Variants in TSPAN5 observed in about 807,000 individuals in gnomAD.
TSPAN5 encodes the protein tetraspanin-5.
TSPAN5 carries 10 observed loss-of-function variants against 37.1 expected under a neutral mutation model. The ratio of observed to expected loss-of-function variants is 0.27; its 90% CI spans 0.17 to 0.46. The LOEUF (loss-of-function observed/expected upper bound fraction) is 0.46, where lower values mean the gene tolerates loss of function less well. Among genes scored for constraint, TSPAN5 ranks in the 20% least tolerant of loss-of-function variants. TSPAN5 has a pLI of 1.00. For missense variants in TSPAN5, 195 were observed against 326.6 expected (o/e 0.60, Z 3.11); for synonymous variants, 110 against 118.9 (o/e 0.93, Z 0.48).
intron 1 of TSPAN5, among the ~76,000 whole-genome samples, chr4:98,651,163 C>A (rs1360829670): frequency 6.6e-6 from 1 of 152,178 alleles, no homozygotes; most frequent in African/African-American, 2.4e-5. Flanking sequence ...CAATGCCACC[C>A]TGATAGGGTA....
At chr4:98,479,945 A>G (rs938027200) in intron 4 of TSPAN5, among the ~76,000 whole-genome samples, 1 of 152,160 alleles carries the variant, frequency 6.6e-6, no homozygotes, top group Non-Finnish European at 1.5e-5. Context: ...CTCATAATCA[A>G]ATGACCTAAA....
intron 2 of TSPAN5, among the ~76,000 whole-genome samples, chr4:98,487,178 G>T (rs1445614725): frequency 6.7e-6 from 1 of 148,288 alleles, no homozygotes; most frequent in Non-Finnish European, 1.5e-5. Flanking sequence ...AGGAGGGAGG[G>T]AAACTGCTTT....
At position 98,658,339 on chromosome 4, in the gene TSPAN5, G is replaced by A; in HGVS notation, c.-113C>T. 2 of 842,940 alleles carry A rather than the reference G, an allele frequency of 2.4e-6. No homozygotes were observed. The highest frequency in any genetic ancestry group is 1.9e-6 in the Non-Finnish European group (1 of 513,518). 52.2% of individuals were successfully genotyped at this position (842,940 alleles called of 1,614,324 possible). A position where few individuals can be genotyped will look rare whatever the true frequency, so the allele number is the denominator to read the frequency against. On this transcript the variant is annotated 5_prime_UTR_variant, in exon 1 of 8. Transcript: ENST00000305798. ...GAGCTCAGGGACACCGCACGGGGCCGCGGCGCTGGCGGCCTGGGCTCAGCC... is the reference window on the plus strand; with the variant it reads ...GAGCTCAGGGACACCGCACGGGGCCACGGCGCTGGCGGCCTGGGCTCAGCC...
At chr4:98,505,768 G>C (rs953769392) in intron 2 of TSPAN5, among the ~76,000 whole-genome samples, 4 of 152,164 alleles carry the variant, frequency 2.6e-5, no homozygotes, top group African/African-American at 9.7e-5. Context: ...ACCAAACTGG[G>C]CTGGTGCACG....
chr4:98,525,042 A>G (rs757876891), intron 1 of TSPAN5, among the ~76,000 whole-genome samples: 7 of 152,194 alleles, frequency 4.6e-5, no homozygotes, highest in South Asian at 2.1e-4. Flanking sequence ...ATCTATTACT[A>G]TTTCAGTCAA....
chr4:98,652,526 AT>A (rs1560574772), intron 1 of TSPAN5, among the ~76,000 whole-genome samples: 1 of 152,170 alleles, frequency 6.6e-6, no homozygotes, highest in Non-Finnish European at 1.5e-5. Flanking sequence ...TTGATGTTTT[AT>A]TTTAGAATAA....
chr4:98,629,395 C>A (rs1252623244), intron 1 of TSPAN5, among the ~76,000 whole-genome samples: 1 of 152,220 alleles, frequency 6.6e-6, no homozygotes, highest in Non-Finnish European at 1.5e-5. Context: ...TGAGCTGATA[C>A]ATACAAACAG....
intron 1 of TSPAN5, among the ~76,000 whole-genome samples, chr4:98,605,663 A>G (rs1039533301): frequency 6.6e-6 from 1 of 152,214 alleles, no homozygotes; most frequent in African/African-American, 2.4e-5. Flanking sequence ...CAAACTGTCA[A>G]TCCCTCGGAA....
intron 1 of TSPAN5, among the ~76,000 whole-genome samples, chr4:98,648,759 C>A (rs534687784): frequency 2.0e-5 from 3 of 152,358 alleles, no homozygotes; most frequent in African/African-American, 7.2e-5. Flanking sequence ...CACATCCCCT[C>A]CAGGGAGCAA....
intron 1 of TSPAN5, among the ~76,000 whole-genome samples, chr4:98,595,559 T>C (rs1248520081): frequency 1.5e-5 from 2 of 131,080 alleles, no homozygotes; most frequent in Admixed American, 7.6e-5. Flanking sequence ...TCCTGCTTTC[T>C]CTTGTAGGCA....
intron 2 of TSPAN5, among the ~76,000 whole-genome samples, chr4:98,491,912 G>GA (rs1283063959): frequency 6.6e-6 from 1 of 151,270 alleles, no homozygotes; most frequent in East Asian, 1.9e-4. Flanking sequence ...GAAGCTGTAA[G>GA]AAAAAAAATC....
intron 1 of TSPAN5, among the ~76,000 whole-genome samples, chr4:98,510,712 G>A (rs1324001005): frequency 6.6e-6 from 1 of 152,126 alleles, no homozygotes; most frequent in African/African-American, 2.4e-5. Context: ...TTCCTGCTTT[G>A]ACTGTGACTT....
chr4:98,538,966 T>A lies in TSPAN5; in HGVS notation c.82-31238A>T, dbSNP rs146067755. On this transcript the variant is annotated intron_variant, in intron 1 of 7. Transcript: ENST00000305798. The stretch of plus-strand genomic sequence containing the variant: ...GTGTCTGATATGAAAACGTCCCCTA[T>A]CTATAAATGCCTGTATTACCTACTA... Among the ~76,000 whole-genome samples the A allele has an allele frequency of 4.7e-3, 708 of 152,238 alleles. 2 individuals are homozygous for A. The highest frequency in any genetic ancestry group is 0.016 in the African/African-American group (679 of 41,554).
chr4:98,526,927 T>TG (rs1390641153), intron 1 of TSPAN5, among the ~76,000 whole-genome samples: 1 of 152,154 alleles, frequency 6.6e-6, no homozygotes, highest in Non-Finnish European at 1.5e-5. Flanking sequence ...TCATGAAAAA[T>TG]GAAGAGTGAG....
intron 1 of TSPAN5, among the ~76,000 whole-genome samples, chr4:98,613,194 G>A (rs1756242813): frequency 6.7e-6 from 1 of 150,210 alleles, no homozygotes. Flanking sequence ...CCTTTTGAGA[G>A]AAGTACTAAC....
chr4:98,510,883 T>G (rs1753590645), intron 1 of TSPAN5, among the ~76,000 whole-genome samples: 1 of 152,212 alleles, frequency 6.6e-6, no homozygotes, highest in African/African-American at 2.4e-5. Context: ...TCAGACCATA[T>G]GTTTTGTTTT....
intron 1 of TSPAN5, among the ~76,000 whole-genome samples, chr4:98,644,261 G>C (rs951692063): frequency 6.6e-6 from 1 of 152,092 alleles, no homozygotes; most frequent in Non-Finnish European, 1.5e-5. Flanking sequence ...ACTAATGTAA[G>C]AGCACATTTT....
rs572652066 is a variant in TSPAN5 at position 98,603,981 on chromosome 4, T to C, written c.81+54165A>G. Among the ~76,000 whole-genome samples the C allele has an allele frequency of 3.3e-5, 5 of 152,326 alleles. No individual in the cohort carries two copies. The South Asian group carries it at 8.3e-4, about 25-fold the overall frequency. The stretch of plus-strand genomic sequence containing the variant: ...ACTTTCTTGAATTTCTGGAATTACT[T>C]TGGTCATTTTGAACGACCGCTCTAT... On this transcript the variant is annotated intron_variant, in intron 1 of 7. Coordinates refer to ENST00000305798, the MANE Select transcript of TSPAN5 (RefSeq NM_005723.4).
intron 1 of TSPAN5, among the ~76,000 whole-genome samples, chr4:98,624,010 C>T (rs1161284113): frequency 2.0e-5 from 3 of 152,014 alleles, no homozygotes; most frequent in African/African-American, 4.8e-5. Flanking sequence ...CCTTCTTTTG[C>T]TTTATATGAA....
Sources: allele counts gnomAD v4.1 joint callset (sites outside exome capture counted in the v4.1 genomes callset), GRCh38; gene constraint gnomAD v4.1.1; transcripts MANE v1.5; gene names NCBI Gene and HGNC (gene_info 2026-07-23, HGNC 2026-07-21).